The following ASPM variants were observed in gnomAD, a reference collection of about 807,000 sequenced individuals.
ASPM encodes abnormal spindle-like microcephaly-associated protein.
In ASPM, 256 loss-of-function variants were observed where a neutral mutation model predicts 366.4. The ratio of observed to expected loss-of-function variants is 0.70; its 90% CI spans 0.63 to 0.77. ASPM has a LOEUF of 0.77. Among genes scored for constraint, ASPM ranks in the 30% least tolerant of loss-of-function variants. The pLI, the probability that ASPM is intolerant of heterozygous loss-of-function variation, is 0.00. For missense variants in ASPM, 4,146 were observed against 4,090.4 expected (o/e 1.01, Z -0.37); for synonymous variants, 1,414 against 1,342.9 (o/e 1.05, Z -1.16).
intron 22 of ASPM, among the ~76,000 whole-genome samples, chr1:197,091,430 C>A (rs1346476661): frequency 1.3e-5 from 2 of 150,998 alleles, no homozygotes; most frequent in African/African-American, 4.9e-5. Flanking sequence ...TAAATCATAA[C>A]AAAAAAGAAC....
At chr1:197,126,439 C>CA (rs374373476) in intron 10 of ASPM, among the ~76,000 whole-genome samples, 341 of 19,278 alleles carry the variant, frequency 0.018, 33 homozygotes, top group African/African-American at 0.071. Flanking sequence ...GACTCTGTCT[C>CA]AAAAAAAAAA....
intron 23 of ASPM, 35 bp downstream of exon 23, chr1:197,090,815 A>G: frequency 6.3e-7 from 1 of 1,577,790 alleles, no homozygotes; most frequent in Non-Finnish European, 8.7e-7. Context: ...TTGCAAACTA[A>G]AGTTTTGAAC....
Position 197,139,830 on chromosome 1 carries a change from T to G in ASPM, c.1963A>C (p.Arg655=). 2 of 1,611,940 alleles carry G rather than the reference T, an allele frequency of 1.2e-6. No homozygotes were observed. Among genetic ancestry groups the G allele is most frequent in the African/African-American group, 2.7e-5 (2 of 74,998 alleles). ...FRTPISKTNK[R]TKPIIAVAQS... is the part of the protein sequence containing the mutation. ...GCCACAGCGATAATGGGTTTTGTCCTTTTGTTTGTTTTAGAAATTGGAGTT... is the reference window on the plus strand; with the variant it reads ...GCCACAGCGATAATGGGTTTTGTCCGTTTGTTTGTTTTAGAAATTGGAGTT... Residue 655 remains arginine (R), a synonymous_variant, in exon 4 of 28, where the codon AGG becomes CGG. Coordinates refer to ENST00000367409, the MANE Select transcript of ASPM (RefSeq NM_018136.5).
intron 10 of ASPM, among the ~76,000 whole-genome samples, chr1:197,128,263 T>G (rs1336421549): frequency 1.3e-5 from 2 of 150,556 alleles, no homozygotes; most frequent in African/African-American, 2.4e-5. Flanking sequence ...TATCCATGAG[T>G]CCCAGTCACA....
intron 19 of ASPM, 70 bp from the exon 20 acceptor site, chr1:197,094,250 C>T (rs1418177635): frequency 6.6e-6 from 6 of 907,520 alleles, no homozygotes; most frequent in African/African-American, 3.3e-5. Context: ...ATTGCCTCCC[C>T]CCCTTTAAAA....
In ASPM at chr1:197,093,124, T is replaced by C. The variant is rs1354510252; in HGVS notation, c.9222A>G (p.Ile3074Met). Reference sequence around the variant, plus strand: ...TAGATTTTTTAAATTCAATATATTTTATCCTTTCATGCTTTCCAGCCTCCC... The same window carrying C: ...TAGATTTTTTAAATTCAATATATTTCATCCTTTCATGCTTTCCAGCCTCCC... ...RAREAGKHER[I>M]KYIEFKKSTV... Residue 3074 changes from isoleucine to methionine, a missense_variant, in exon 21 of 28, where the codon ATA (isoleucine) becomes ATG (methionine). By Grantham distance (10) the Ile-to-Met change is conservative. Around this residue, in one of 3 missense-constraint regions of ASPM, gnomAD observed 3,624 missense variants for 3,591.7 expected, o/e 1.01. Coordinates refer to ENST00000367409, the MANE Select transcript of ASPM (RefSeq NM_018136.5). 6 of 1,612,296 alleles carry C rather than the reference T, an allele frequency of 3.7e-6. No homozygotes were observed.
At position 197,122,168 on chromosome 1, in the gene ASPM, T is replaced by C. The variant is rs748991573; in HGVS notation, c.3732A>G (p.Pro1244=). The change falls in exon 15 of 28, where the codon CCA becomes CCG. Residue 1244 remains proline (P), a synonymous_variant. Transcript: ENST00000367409. ...INHSDMSNTI[P]DEKVVITYLS... is the part of the protein sequence containing the mutation. Reference sequence around the variant, plus strand: ...CTCTTCTTTTACTTACCTTTTCATCTGGAATTGTATTTGACATATCTGAAT... The same window carrying C: ...CTCTTCTTTTACTTACCTTTTCATCCGGAATTGTATTTGACATATCTGAAT... 1.9e-6 allele frequency: 3 copies of C among 1,610,514 alleles called. No homozygotes were observed. In the African/African-American group the frequency reaches 4.0e-5, roughly 22 times the overall value.
chr1:197,138,332 C>T (rs1340400821), intron 4 of ASPM, among the ~76,000 whole-genome samples: 3 of 152,090 alleles, frequency 2.0e-5, no homozygotes, highest in Admixed American at 6.5e-5. Context: ...GATGGAGTCC[C>T]GCCCTTGTCG....
chr1:197,085,392 T>C (rs958219636), intron 27 of ASPM, among the ~76,000 whole-genome samples: 3 of 152,244 alleles, frequency 2.0e-5, no homozygotes, highest in South Asian at 2.1e-4. Flanking sequence ...GAGTTTATAA[T>C]CTCAAACTTA....
In ASPM at chr1:197,117,041, T is replaced by C. The variant is rs141095027; in HGVS notation, c.4065+748A>G. ...GAAAAATCATTAGGCTCTATATTTT[T>C]ATTTTGGGTAATTTTCTATGTGTAA... On this transcript the variant is annotated intron_variant, in intron 17 of 27. Coordinates refer to ENST00000367409, the MANE Select transcript of ASPM (RefSeq NM_018136.5). 2.2e-3 allele frequency among the ~76,000 whole-genome samples: 330 copies of C among 152,206 alleles called. 2 individuals are homozygous for C. The highest frequency in any genetic ancestry group is 7.5e-3 in the African/African-American group (313 of 41,558).
chr1:197,116,497 C>T (rs544053276), intron 17 of ASPM, among the ~76,000 whole-genome samples: 2 of 152,244 alleles, frequency 1.3e-5, no homozygotes, highest in South Asian at 4.1e-4. Context: ...CACAGGGTTG[C>T]CACAAACCTT....
Position 197,121,989 on chromosome 1 carries a change from C to A in ASPM, c.3796G>T (p.Glu1266Ter), listed in dbSNP as rs199422161. Reference protein sequence around the residue: ...LCARLLDLRKEIRAARLIQTT... With the variant: ...LCARLLDLRK ...TGTATGAGTCGAGCAGCTCTTATTT[C>A]TTTACGAAGATCCAAAAGCCTTGCA... The change falls in exon 16 of 28, where the codon GAA becomes TAA. Residue 1266 changes from glutamate (E) to a stop codon, truncating the protein, a stop_gained. Coordinates refer to ENST00000367409, the MANE Select transcript of ASPM (RefSeq NM_018136.5). LOFTEE classifies it high-confidence loss of function. 1.1e-5 allele frequency: 17 copies of A among 1,611,688 alleles called. No homozygotes were observed. The highest frequency in any genetic ancestry group is 1.4e-5 in the Non-Finnish European group (17 of 1,178,354).
intron 4 of ASPM, 48 bp from the exon 5 acceptor site, chr1:197,135,290 T>C: frequency 1.3e-6 from 2 of 1,567,618 alleles, no homozygotes; most frequent in Non-Finnish European, 1.8e-6. Context: ...CTTTAACTTA[T>C]TGTACAATAT....
rs1041828311 is a variant in ASPM, at chr1:197,103,325, T to C, written c.5926A>G (p.Ile1976Val). The stretch of plus-strand genomic sequence containing the variant: ...TGCATTCTATAGTATGACTGTATGA[T>C]GATAGCACATTTATGTTGCCTTTGA... ...QLQRQHKCAI[I>V]IQSYYRMHVQ... The change falls in exon 18 of 28, where the codon ATC (isoleucine) becomes GTC (valine). Residue 1976 changes from isoleucine (I) to valine (V), a missense_variant. By Grantham distance (29) the Ile-to-Val change is conservative. Transcript: ENST00000367409. The C allele has an allele frequency of 1.9e-6, 3 of 1,613,218 alleles. No individual in the cohort carries two copies. Among genetic ancestry groups the C allele is most frequent in the Non-Finnish European group, 1.7e-6 (2 of 1,179,452 alleles).
In ASPM at chr1:197,101,146, T is replaced by C; in HGVS notation, c.8105A>G (p.His2702Arg). 6.2e-7 allele frequency: 1 copy of C among 1,612,430 alleles called. No homozygotes were observed. Among genetic ancestry groups the C allele is most frequent in the Non-Finnish European group, 8.5e-7 (1 of 1,179,102 alleles). ...TGTTTCATAATCAACTTTGGCCCTG[T>C]GCATTCGATAGAATGACTGAATTAG... ...ATLIQSFYRM[H>R]RAKVDYETKK... The change falls in exon 18 of 28, where the codon CAC becomes CGC. Residue 2702 changes from histidine (H) to arginine (R), a missense_variant. Physicochemically the swap from His to Arg is conservative, Grantham distance 29 (BLOSUM62 0). This residue lies in a region of ASPM where 3,624 missense variants were observed against 3,591.7 expected (regional missense o/e 1.01). Coordinates refer to ENST00000367409, the MANE Select transcript of ASPM (RefSeq NM_018136.5).
intron 1 of ASPM, 40 bp downstream of exon 1, chr1:197,146,101 G>A (rs1237855465): frequency 6.2e-7 from 1 of 1,612,940 alleles, no homozygotes; most frequent in Non-Finnish European, 8.5e-7. Context: ...TAGCGGAGAA[G>A]CAGAACACCG....
At chr1:197,120,501 G>A (rs1291638919) in intron 16 of ASPM, among the ~76,000 whole-genome samples, 2 of 152,064 alleles carry the variant, frequency 1.3e-5, no homozygotes, top group African/African-American at 4.8e-5. Flanking sequence ...TTGCACTCCT[G>A]CCTGGGTGAC....
Position 197,103,671 on chromosome 1 carries a change from C to T in ASPM, c.5580G>A (p.Ala1860=), listed in dbSNP as rs149111545. 82 of 1,612,774 alleles carry T rather than the reference C, an allele frequency of 5.1e-5. No individual in the cohort carries two copies. The highest frequency in any genetic ancestry group is 3.4e-4 in the South Asian group (31 of 91,054). Residue 1860 remains alanine (A), a synonymous_variant, in exon 18 of 28, where the codon GCG becomes GCA. Coordinates refer to ENST00000367409, the MANE Select transcript of ASPM (RefSeq NM_018136.5). The part of the protein sequence containing the change: ...SIIKIQRWYR[A]YKTLHDTRTH... ...TTCTTGTATCATGAAGAGTCTTGTA[C>T]GCCCTGTACCATCTCTGAATCTTTA...
chr1:197,116,925 G>A (rs1448478768), intron 17 of ASPM, among the ~76,000 whole-genome samples: 2 of 152,054 alleles, frequency 1.3e-5, no homozygotes, highest in Admixed American at 6.6e-5. Flanking sequence ...GCTTGAGCTG[G>A]GATGGGAGAG....
Sources: gnomAD v4.1 joint callset for allele counts (sites outside exome capture counted in the v4.1 genomes callset) on GRCh38, gnomAD v4.1.1 for gene constraint, gnomAD v4.1.1 regional missense constraint, MANE v1.5 for transcripts, NCBI Gene and HGNC (gene_info 2026-07-23, HGNC 2026-07-21) for gene names.